The following LRBA variants were observed in gnomAD, a reference collection of about 807,000 sequenced individuals.
LRBA encodes the protein LPS responsive beige-like anchor protein.
A neutral mutation model predicts 330.0 loss-of-function variants in LRBA; 176 were observed. That is an observed-to-expected ratio of 0.53 (90% CI 0.47 to 0.60). LRBA has a LOEUF of 0.60. Among genes scored for constraint, LRBA ranks in the 20% least tolerant of loss-of-function variants. LRBA has a pLI of 0.00. For synonymous variants in LRBA, 1,230 were observed against 1,193.0 expected (o/e 1.03, Z -0.64); for missense variants, 3,259 against 3,444.8 (o/e 0.95, Z 1.35).
intron 44 of LRBA, among the ~76,000 whole-genome samples, chr4:150,459,951 G>A (rs1325645364): frequency 2.0e-5 from 3 of 151,396 alleles, no homozygotes; most frequent in Non-Finnish European, 3.0e-5. Context: ...TGTTTCTTTT[G>A]GTAAGCTTGA....
intron 8 of LRBA, among the ~76,000 whole-genome samples, chr4:150,915,348 T>C (rs558940364): frequency 1.1e-3 from 161 of 152,180 alleles, no homozygotes; most frequent in Admixed American, 2.2e-3. Flanking sequence ...TTTTGATAAA[T>C]GAACCAATGA....
intron 37 of LRBA, among the ~76,000 whole-genome samples, chr4:150,652,607 T>C (rs897106730): frequency 1.3e-5 from 2 of 152,216 alleles, no homozygotes; most frequent in African/African-American, 4.8e-5. Flanking sequence ...AAATTAATTC[T>C]AATAATATAT....
chr4:150,744,601 C>T (rs188882914), intron 35 of LRBA, among the ~76,000 whole-genome samples: 1 of 152,336 alleles, frequency 6.6e-6, no homozygotes, highest in Admixed American at 6.5e-5. Flanking sequence ...TGTCCAACAT[C>T]TGTTCAACAC....
chr4:150,482,251 T>G (rs906336765), intron 42 of LRBA, among the ~76,000 whole-genome samples: 3 of 152,128 alleles, frequency 2.0e-5, no homozygotes, highest in African/African-American at 7.2e-5. Flanking sequence ...CTAACAGCTA[T>G]GCTTTTTCCA....
intron 50 of LRBA, among the ~76,000 whole-genome samples, chr4:150,316,856 G>A (rs553723897): frequency 3.3e-5 from 5 of 152,256 alleles, no homozygotes; most frequent in Non-Finnish European, 5.9e-5. Flanking sequence ...TGGACAAGGG[G>A]CGTTGGGGTT....
chr4:150,729,292 ACAAAGTGAGATCC>A (rs1222220842), intron 36 of LRBA, among the ~76,000 whole-genome samples: 1 of 152,230 alleles, frequency 6.6e-6, no homozygotes, highest in Admixed American at 6.5e-5. Context: ...AGCCTGGGTG[ACAAAGTGAGATCC>A]CATCTCAAGC....
chr4:150,521,019 G>C (rs1762868159), intron 40 of LRBA, among the ~76,000 whole-genome samples: 1 of 151,886 alleles, frequency 6.6e-6, no homozygotes, highest in Non-Finnish European at 1.5e-5. Context: ...CCAGTAATTT[G>C]TTCATTTAAT....
intron 33 of LRBA, among the ~76,000 whole-genome samples, chr4:150,805,364 A>C (rs1407925805): frequency 7.2e-6 from 1 of 139,356 alleles, no homozygotes; most frequent in Non-Finnish European, 1.5e-5. Flanking sequence ...AGAAAAGGAA[A>C]GGAAAGGAAG....
At chr4:150,810,909 A>G (rs962832371) in intron 31 of LRBA, among the ~76,000 whole-genome samples, 8 of 152,178 alleles carry the variant, frequency 5.3e-5, no homozygotes, top group African/African-American at 1.9e-4. Flanking sequence ...GCCCATTGTG[A>G]CAATTTTTAA....
intron 40 of LRBA, among the ~76,000 whole-genome samples, chr4:150,495,136 C>G (rs1402082520): frequency 1.3e-5 from 2 of 152,168 alleles, no homozygotes; most frequent in Non-Finnish European, 2.9e-5. Flanking sequence ...TTAAAATTCA[C>G]ACGCATAACG....
intron 37 of LRBA, among the ~76,000 whole-genome samples, chr4:150,658,449 A>G (rs1175486142): frequency 6.7e-6 from 1 of 149,044 alleles, no homozygotes; most frequent in East Asian, 2.0e-4. Context: ...TACTTAGCAC[A>G]TGACAGGTAA....
intron 36 of LRBA, among the ~76,000 whole-genome samples, chr4:150,717,675 G>GTAATAGTAATAATAATAATAATAA (rs71596232): frequency 3.9e-4 from 55 of 139,770 alleles, no homozygotes; most frequent in African/African-American, 1.4e-3. Context: ...AACAATAATA[G>GTAATAGTAATAATAATAATAATAA]TAATAATAAT....
intron 40 of LRBA, among the ~76,000 whole-genome samples, chr4:150,517,623 T>G (rs1254009995): frequency 6.6e-6 from 1 of 152,166 alleles, no homozygotes; most frequent in Non-Finnish European, 1.5e-5. Context: ...AAAATGCACA[T>G]GCTAACAAAA....
At chr4:150,306,473 A>G (rs1446046164) in intron 52 of LRBA, among the ~76,000 whole-genome samples, 2 of 152,160 alleles carry the variant, frequency 1.3e-5, no homozygotes, top group African/African-American at 4.8e-5. Flanking sequence ...TAAAACTAGC[A>G]TCAGAGTTTT....
chr4:150,378,619 T>C (rs1156319278), intron 47 of LRBA, among the ~76,000 whole-genome samples: 2 of 152,128 alleles, frequency 1.3e-5, no homozygotes, highest in Admixed American at 6.5e-5. Context: ...CGGAATCACA[T>C]TGTAAGTAAA....
chr4:150,333,840 A>G (rs1465110426), intron 48 of LRBA, among the ~76,000 whole-genome samples: 6 of 152,156 alleles, frequency 3.9e-5, no homozygotes. Flanking sequence ...TTAATTCCTA[A>G]AGGAAAAAAA....
chr4:150,336,624 A>T (rs1256800212), intron 48 of LRBA, among the ~76,000 whole-genome samples: 1 of 152,206 alleles, frequency 6.6e-6, no homozygotes, highest in Non-Finnish European at 1.5e-5. Flanking sequence ...TACTCAAATA[A>T]TATTATTATG....
intron 37 of LRBA, among the ~76,000 whole-genome samples, chr4:150,646,535 A>G (rs1779154868): frequency 1.3e-5 from 2 of 152,102 alleles, no homozygotes; most frequent in South Asian, 4.1e-4. Flanking sequence ...CTTGGTAAAT[A>G]AATAAATGTC....
At chr4:150,964,525 C>G (rs1181066754) in intron 2 of LRBA, among the ~76,000 whole-genome samples, 1 of 150,490 alleles carries the variant, frequency 6.6e-6, no homozygotes, top group Non-Finnish European at 1.5e-5. Flanking sequence ...AACCTTACCC[C>G]CAACCCCGTG....
Sources: allele counts gnomAD v4.1 joint callset (sites outside exome capture counted in the v4.1 genomes callset), GRCh38; gene constraint gnomAD v4.1.1; transcripts MANE v1.5; gene names NCBI Gene and HGNC (gene_info 2026-07-23, HGNC 2026-07-21).